Variants in ANK3 observed in about 807,000 individuals in gnomAD.
The protein encoded by ANK3 is ankyrin-3.
In ANK3, 57 loss-of-function variants were observed where a neutral mutation model predicts 370.9. The observed-to-expected ratio is 0.15, with a 90% CI of 0.12 to 0.19. The LOEUF is 0.19. ANK3 is among the 10% of genes least tolerant of loss of function. The pLI, the probability that ANK3 is intolerant of heterozygous loss-of-function variation, is 1.00. For missense variants in ANK3, 4,439 were observed against 5,302.1 expected, an observed-to-expected ratio of 0.84 and a Z score of 5.06; for synonymous variants, 1,929 against 1,946.3, an observed-to-expected ratio of 0.99 and a Z score of 0.23.
rs150580642 is a variant in ANK3 at position 60,417,590 on chromosome 10, T to C, written c.97-137951A>G. On this transcript the variant is annotated intron_variant, in intron 2 of 43. Transcript: ENST00000373827. ...AGAAAAAGATATAAGTGAAAGGTGA[T>C]GTGCCACCTATGAAGTTAGCAACCT... Among the ~76,000 whole-genome samples, 245 of 152,306 alleles carry C rather than the reference T, an allele frequency of 1.6e-3. 1 individual carries two copies. Among genetic ancestry groups the C allele is most frequent in the African/African-American group, 5.6e-3 (233 of 41,566 alleles).
chr10:60,328,819 C>T (rs2050514820), intron 1 of ANK3, among the ~76,000 whole-genome samples: 2 of 152,072 alleles, frequency 1.3e-5, no homozygotes, highest in Non-Finnish European at 2.9e-5. Context: ...CTGGCAAAGA[C>T]ACAACAACAA....
chr10:60,455,723 T>A (rs2064729873), intron 2 of ANK3, among the ~76,000 whole-genome samples: 1 of 152,190 alleles, frequency 6.6e-6, no homozygotes, highest in Non-Finnish European at 1.5e-5. Context: ...GGCACCGTGA[T>A]CCCATTCATA....
At chr10:60,546,857 A>G (rs1223439715) in intron 2 of ANK3, among the ~76,000 whole-genome samples, 1 of 152,192 alleles carries the variant, frequency 6.6e-6, no homozygotes, top group Non-Finnish European at 1.5e-5. Context: ...AGTGCTTCCC[A>G]GTGCCAGGTG....
Position 60,186,858 on chromosome 10 carries a change from T to C in ANK3, c.1942A>G (p.Thr648Ala), listed in dbSNP as rs2096350001. The change falls in exon 17 of 44, where the codon ACA (threonine) becomes GCA (alanine). Residue 648 changes from threonine to alanine, a missense_variant. Physicochemically the swap from Thr to Ala is moderately conservative, Grantham distance 58. Transcript: ENST00000280772. ...AAKKNQMDIA[T>A]TLLEYGADAN... ...TCAGCACCATATTCCAGCAGAGTTG[T>C]CGCTATGTCCATCTGGTTCTTTTTG... is the stretch of plus-strand genomic sequence containing the variant. 6.2e-7 allele frequency: 1 copy of C among 1,614,206 alleles called. No individual in the cohort carries two copies. Among genetic ancestry groups the C allele is most frequent in the Admixed American group, 1.7e-5 (1 of 60,024 alleles).
In ANK3 at chr10:60,070,567, G is replaced by A; in HGVS notation, c.10314C>T (p.Ala3438=). Residue 3438 remains alanine, a synonymous_variant, in exon 37 of 44, where the codon GCC becomes GCT. Coordinates refer to ENST00000280772, the MANE Select transcript of ANK3 (RefSeq NM_020987.5). The surrounding 1 kb of genome is among the most constrained non-coding windows in gnomAD (Gnocchi z 5.7). ...TESDSKLPIQ[A]MEIKKDIWNT... ...TCCAGATATCTTTCTTAATTTCCAT[G>A]GCTTGAATTGGGAGTTTAGAATCAC... is the stretch of plus-strand genomic sequence containing the variant. 1 of 1,614,098 alleles carries A rather than the reference G, an allele frequency of 6.2e-7. No individual in the cohort carries two copies. Among genetic ancestry groups the A allele is most frequent in the Non-Finnish European group, 8.5e-7 (1 of 1,180,016 alleles).
chr10:60,591,809 A>T, intron 2 of ANK3, among the ~76,000 whole-genome samples: 1 of 152,204 alleles, frequency 6.6e-6, no homozygotes, highest in Non-Finnish European at 1.5e-5. Flanking sequence ...ATTTTAAGTG[A>T]AATAAGCCAG....
rs149732992 is a variant in ANK3, at chr10:60,441,974, C to T, written c.97-162335G>A. On this transcript the variant is annotated intron_variant, in intron 2 of 43. Coordinates refer to the ANK3 transcript ENST00000373827. Reference sequence around the variant, plus strand: ...CTGAAGAGCAAACAAATACAGTTGTCTCTCTGCAACCACGAGATTGGTTTC... The same window carrying T: ...CTGAAGAGCAAACAAATACAGTTGTTTCTCTGCAACCACGAGATTGGTTTC... Among the ~76,000 whole-genome samples, 564 of 152,210 alleles carry T rather than the reference C, an allele frequency of 3.7e-3. 1 individual carries two copies. Among genetic ancestry groups the T allele is most frequent in the African/African-American group, 0.013 (545 of 41,504 alleles).
At chr10:60,399,672 T>A (rs2063315305) in intron 2 of ANK3, among the ~76,000 whole-genome samples, 1 of 152,172 alleles carries the variant, frequency 6.6e-6, no homozygotes, top group Non-Finnish European at 1.5e-5. Context: ...CCCCAGTGCT[T>A]CCGCCGGCAC....
intron 1 of ANK3, among the ~76,000 whole-genome samples, chr10:60,293,247 A>T (rs79191744): frequency 0.026 from 3,894 of 152,210 alleles, 90 homozygotes; most frequent in Non-Finnish European, 0.036. Flanking sequence ...TCATCTCATC[A>T]CGCCTTCATT....
intron 7 of ANK3, among the ~76,000 whole-genome samples, chr10:60,259,336 T>G (rs1035640103): frequency 6.6e-6 from 1 of 152,184 alleles, no homozygotes; most frequent in African/African-American, 2.4e-5. Flanking sequence ...CCAAGCCTCC[T>G]ATTAAATAAA....
intron 16 of ANK3, among the ~76,000 whole-genome samples, chr10:60,194,458 C>G (rs917963170): frequency 2.0e-5 from 3 of 152,218 alleles, no homozygotes; most frequent in Non-Finnish European, 4.4e-5. Flanking sequence ...CTGTCTGTCT[C>G]TATAAATTTG....
At chr10:60,599,997 T>A (rs1450822255) in intron 2 of ANK3, among the ~76,000 whole-genome samples, 1 of 152,212 alleles carries the variant, frequency 6.6e-6, no homozygotes, top group African/African-American at 2.4e-5. Context: ...TTAAATACTT[T>A]ACATTCTTTC....
intron 1 of ANK3, among the ~76,000 whole-genome samples, chr10:60,305,832 C>G (rs2044920015): frequency 6.6e-6 from 1 of 152,162 alleles, no homozygotes; most frequent in African/African-American, 2.4e-5. Context: ...AAAGGGTGAG[C>G]CCAGGCAGAT....
intron 23 of ANK3, among the ~76,000 whole-genome samples, chr10:60,154,726 C>T (rs1168749537): frequency 6.6e-6 from 1 of 152,028 alleles, no homozygotes; most frequent in Non-Finnish European, 1.5e-5. Flanking sequence ...ACCTGGGAGG[C>T]GGAAGTTACA....
At chr10:60,483,778 C>T (rs576166777) in intron 2 of ANK3, among the ~76,000 whole-genome samples, 55 of 152,142 alleles carry the variant, frequency 3.6e-4, no homozygotes, top group Non-Finnish European at 5.6e-4. Flanking sequence ...ACACACTCCA[C>T]GTGCTTGTCT....
At chr10:60,407,520 A>G (rs572066990) in intron 2 of ANK3, among the ~76,000 whole-genome samples, 1 of 152,316 alleles carries the variant, frequency 6.6e-6, no homozygotes, top group South Asian at 2.1e-4. Context: ...AAATAATACC[A>G]TCATAGCAAT....
chr10:60,680,652 G>T (rs976717657), intron 1 of ANK3, among the ~76,000 whole-genome samples: 1 of 152,000 alleles, frequency 6.6e-6, no homozygotes, highest in Admixed American at 6.6e-5. Context: ...GTTTTTAAAC[G>T]CCAAACCACC....
chr10:60,587,661 A>G (rs1249582228), intron 2 of ANK3, among the ~76,000 whole-genome samples: 1 of 152,234 alleles, frequency 6.6e-6, no homozygotes, highest in Admixed American at 6.5e-5. Context: ...TACATTTAGC[A>G]TGTTTAAATC....
chr10:60,074,751 T>C lies in ANK3; in HGVS notation c.6130A>G (p.Ser2044Gly). 6.2e-7 allele frequency: 1 copy of C among 1,614,116 alleles called. No individual in the cohort carries two copies. Among genetic ancestry groups the C allele is most frequent in the Non-Finnish European group, 8.5e-7 (1 of 1,180,008 alleles). The change falls in exon 37 of 44, where the codon AGT (serine) becomes GGT (glycine). Residue 2044 changes from serine to glycine, a missense_variant. Ser to Gly is a moderately conservative substitution (Grantham distance 56). Around this residue, in one of 13 missense-constraint regions of ANK3, gnomAD observed 679 missense variants for 791.0 expected, o/e 0.86. Transcript: ENST00000280772. The part of the protein sequence containing the change: ...IDYLTNDIGS[S>G]SLTNLKYKFE... ...TTGTATTTTAAGTTTGTCAGTGAAC[T>C]ACTCCCAATATCATTTGTTAGGTAA...
Sources: allele counts gnomAD v4.1 joint callset (sites outside exome capture counted in the v4.1 genomes callset), GRCh38; gene constraint gnomAD v4.1.1; regional missense constraint gnomAD v4.1.1; non-coding constraint Gnocchi (gnomAD v3.1); transcripts MANE v1.5; gene names NCBI Gene and HGNC (gene_info 2026-07-23, HGNC 2026-07-21).